FMN2: variants seen among roughly 807,000 people sequenced by gnomAD.
FMN2 encodes formin-2.
Under a neutral mutation model 142.3 loss-of-function variants are expected in FMN2, and 51 were observed. That is an observed-to-expected ratio of 0.36 (90% CI 0.29 to 0.45). The LOEUF is 0.45. Ranked by LOEUF, FMN2 falls within the 20% of genes least tolerant of loss-of-function variation. The pLI, the probability that FMN2 is intolerant of heterozygous loss-of-function variation, is 1.00. For missense variants in FMN2, 1,936 were observed against 2,122.8 expected (o/e 0.91, Z 1.73); for synonymous variants, 882 against 869.8 (o/e 1.01, Z -0.25).
rs373737462 is a variant in FMN2 at position 240,333,804 on chromosome 1, AT to A, written c.4585-81del. On this transcript the variant is annotated intron_variant, in intron 11 of 17. Transcript: ENST00000319653. ...CAAATGTTCTCATGTATATACATGAATTCACTAGAATCTTTTTTGGTAACAC... is the reference window on the plus strand; with the variant it reads ...CAAATGTTCTCATGTATATACATGAATCACTAGAATCTTTTTTGGTAACAC... The A allele has an allele frequency of 1.5e-3, 1,567 of 1,064,572 alleles. 17 individuals carry two copies. The African/African-American group carries it at 0.023, about 15-fold the overall frequency. 65.9% of individuals were successfully genotyped at this position (1,064,572 alleles called of 1,614,324 possible).
chr1:240,107,228 T>A (rs918779957), intron 1 of FMN2, among the ~76,000 whole-genome samples: 4 of 152,032 alleles, frequency 2.6e-5, no homozygotes, highest in African/African-American at 9.7e-5. Context: ...ACTGGAGATG[T>A]TAAAATAGAG....
In FMN2 at chr1:240,473,930, G is replaced by A. The variant is rs1478546286; in HGVS notation, c.5143-198G>A. 2.0e-5 allele frequency among the ~76,000 whole-genome samples: 3 copies of A among 149,754 alleles called. No individual in the cohort carries two copies. The highest frequency in any genetic ancestry group is 2.4e-5 in the African/African-American group (1 of 41,234). On this transcript the variant is annotated intron_variant, in intron 17 of 17. Coordinates refer to ENST00000319653, the MANE Select transcript of FMN2 (RefSeq NM_020066.5). The surrounding 1 kb of genome is among the most constrained non-coding windows in gnomAD (Gnocchi z 4.3). ...CTTTTTTTTTTCTCAAAAGTATTTG[G>A]CGATTTGTCTTGATAAAAGTGCTCA...
rs191968755 is a variant in FMN2 at position 240,345,679 on chromosome 1, C to T, written c.4766-10137C>T. 1.3e-3 allele frequency among the ~76,000 whole-genome samples: 198 copies of T among 152,150 alleles called. 1 individual carries two copies. The highest frequency in any genetic ancestry group is 4.2e-3 in the African/African-American group (175 of 41,504). ...TGTATTTTTAGTAGAGACAGGGTTT[C>T]GCTGTGTTGGCCAGGCTGGACTCGA... On this transcript the variant is annotated intron_variant, in intron 13 of 17. Transcript: ENST00000319653.
intron 14 of FMN2, among the ~76,000 whole-genome samples, chr1:240,361,128 AATAAATATATGTGTATATATATATAT>A (rs1464508486): frequency 1.7e-5 from 1 of 58,046 alleles, no homozygotes; most frequent in African/African-American, 9.2e-5. Context: ...AATAATAATA[AATAAATATATGTGTATATATATATAT>A]ATATATATAT....
chr1:240,166,435 G>T (rs1192653594), intron 2 of FMN2, among the ~76,000 whole-genome samples: 1 of 151,998 alleles, frequency 6.6e-6, no homozygotes, highest in African/African-American at 2.4e-5. Context: ...TCACCACATT[G>T]GCCAGGCTGG....
intron 7 of FMN2, among the ~76,000 whole-genome samples, chr1:240,268,438 G>A (rs1668887469): frequency 1.3e-5 from 2 of 152,136 alleles, no homozygotes; most frequent in South Asian, 4.1e-4. Context: ...TTGGAAACTT[G>A]AAAGGCTAAA....
chr1:240,129,976 G>T (rs907236081), intron 2 of FMN2, among the ~76,000 whole-genome samples: 2 of 151,632 alleles, frequency 1.3e-5, no homozygotes, highest in Non-Finnish European at 2.9e-5. Context: ...TTTTGATATT[G>T]TTTCATCAAA....
intron 6 of FMN2, among the ~76,000 whole-genome samples, chr1:240,218,723 G>T (rs939292572): frequency 1.3e-5 from 2 of 151,964 alleles, no homozygotes; most frequent in Non-Finnish European, 2.9e-5. Flanking sequence ...TTTTTGATCC[G>T]ATGACAGCAC....
chr1:240,433,011 G>A lies in FMN2; in HGVS notation c.4911-5050G>A, dbSNP rs115004885. ...TAATAATATTCAACTCTTCTGTGTC[G>A]TTAGTGATATTTTAATCTAGTTCTC... On this transcript the variant is annotated intron_variant, in intron 15 of 17. Coordinates refer to ENST00000319653, the MANE Select transcript of FMN2 (RefSeq NM_020066.5). 7.9e-3 allele frequency among the ~76,000 whole-genome samples: 1,199 copies of A among 152,166 alleles called. 20 individuals carry two copies. The highest frequency in any genetic ancestry group is 0.028 in the African/African-American group (1,153 of 41,528).
chr1:240,467,966 A>C (rs554834994), intron 16 of FMN2, among the ~76,000 whole-genome samples: 10 of 152,176 alleles, frequency 6.6e-5, no homozygotes, highest in African/African-American at 2.4e-4. Context: ...TTTTCCCCAA[A>C]GTCACTAAAA....
intron 7 of FMN2, among the ~76,000 whole-genome samples, chr1:240,287,380 T>C (rs1235338567): frequency 6.6e-6 from 1 of 152,186 alleles, no homozygotes; most frequent in Non-Finnish European, 1.5e-5. Context: ...GCTTCTGTAT[T>C]TTAAATGGGG....
chr1:240,426,893 C>T (rs767142356), intron 15 of FMN2, among the ~76,000 whole-genome samples: 20 of 151,926 alleles, frequency 1.3e-4, no homozygotes, highest in Non-Finnish European at 2.1e-4. Flanking sequence ...TGCGCACCAC[C>T]ATGCCCGGCT....
chr1:240,105,137 C>G lies in FMN2; in HGVS notation c.1615+11413C>G, dbSNP rs1036322025. 1.4e-4 allele frequency among the ~76,000 whole-genome samples: 16 copies of G among 112,086 alleles called. 1 individual carries two copies. Among genetic ancestry groups the G allele is most frequent in the African/African-American group, 5.5e-4 (16 of 29,272 alleles). The allele number at this position is 112,086 out of a possible 152,430, so 73.5% of individuals were successfully genotyped here. A position where few individuals can be genotyped will look rare whatever the true frequency, so the allele number is the denominator to read the frequency against. On this transcript the variant is annotated intron_variant, in intron 1 of 17. Coordinates refer to ENST00000319653, the MANE Select transcript of FMN2 (RefSeq NM_020066.5). ...TTTTTTTTTTTTTTTGAGACCGAGT[C>G]TCACTCTGTCGCCCAGGCTGGAGTG...
intron 4 of FMN2, among the ~76,000 whole-genome samples, chr1:240,206,156 A>C (rs1176071170): frequency 5.3e-5 from 8 of 150,778 alleles, no homozygotes; most frequent in Non-Finnish European, 7.4e-5. Flanking sequence ...CTCCCACCTC[A>C]GCCTCCCAAA....
chr1:240,273,860 G>T (rs1473550766), intron 7 of FMN2, among the ~76,000 whole-genome samples: 1 of 152,082 alleles, frequency 6.6e-6, no homozygotes, highest in Non-Finnish European at 1.5e-5. Context: ...CAAGTAGAGA[G>T]ATAAAGAGAA....
At chr1:240,301,304 A>G (rs915981298) in intron 8 of FMN2, among the ~76,000 whole-genome samples, 5 of 151,758 alleles carry the variant, frequency 3.3e-5, no homozygotes, top group South Asian at 2.1e-4. Flanking sequence ...TTGACTCCAT[A>G]TAGGGCTTTT....
chr1:240,350,786 G>C (rs567329929), intron 13 of FMN2, among the ~76,000 whole-genome samples: 2 of 152,198 alleles, frequency 1.3e-5, no homozygotes, highest in Admixed American at 6.5e-5. Context: ...TGAGGTAACA[G>C]TTGAACCAGA....
chr1:240,404,278 G>T (rs1341836828), intron 15 of FMN2, among the ~76,000 whole-genome samples: 1 of 152,158 alleles, frequency 6.6e-6, no homozygotes, highest in African/African-American at 2.4e-5. Flanking sequence ...TGGACTTCTG[G>T]CACATGGATA....
At chr1:240,411,768 T>C (rs1411183167) in intron 15 of FMN2, among the ~76,000 whole-genome samples, 3 of 152,056 alleles carry the variant, frequency 2.0e-5, no homozygotes, top group East Asian at 3.8e-4. Flanking sequence ...TGTCCTTCTG[T>C]TTTAGGGTTG....
Sources: allele counts gnomAD v4.1 joint callset (sites outside exome capture counted in the v4.1 genomes callset), GRCh38; gene constraint gnomAD v4.1.1; non-coding constraint Gnocchi (gnomAD v3.1); transcripts MANE v1.5; gene names NCBI Gene and HGNC (gene_info 2026-07-23, HGNC 2026-07-21).